RPS6KA2: variants seen among roughly 807,000 people sequenced by gnomAD.
RPS6KA2 encodes ribosomal protein S6 kinase alpha-2.
RPS6KA2 carries 42 observed loss-of-function variants against 91.8 expected under a neutral mutation model. The observed-to-expected ratio is 0.46, with a 90% CI of 0.36 to 0.59. The LOEUF (loss-of-function observed/expected upper bound fraction) is 0.59. Among genes scored for constraint, RPS6KA2 ranks in the 20% least tolerant of loss-of-function variants. The pLI, the probability that RPS6KA2 is intolerant of heterozygous loss-of-function variation, is 0.00. For synonymous variants in RPS6KA2, 414 were observed against 393.6 expected, an observed-to-expected ratio of 1.05 and a Z score of -0.61; for missense variants, 798 against 978.5, an observed-to-expected ratio of 0.82 and a Z score of 2.46.
At chr6:166,682,124 G>C (rs936763032) in intron 2 of RPS6KA2, among the ~76,000 whole-genome samples, 1 of 152,248 alleles carries the variant, frequency 6.6e-6, no homozygotes, top group Non-Finnish European at 1.5e-5. Context: ...CCCAAGGAAT[G>C]TGATGTTGAA....
intron 1 of RPS6KA2, among the ~76,000 whole-genome samples, chr6:166,552,560 G>T (rs1433446513): frequency 6.6e-6 from 1 of 152,134 alleles, no homozygotes; most frequent in Non-Finnish European, 1.5e-5. Flanking sequence ...CCTAGCTTGA[G>T]GTTTGGTAAA....
At chr6:166,791,099 G>A (rs1210523722) in intron 2 of RPS6KA2, among the ~76,000 whole-genome samples, 2 of 152,134 alleles carry the variant, frequency 1.3e-5, no homozygotes, top group African/African-American at 4.8e-5. Context: ...ACCCATCAGT[G>A]TGCTGTATTC....
chr6:166,789,577 C>G (rs1159785087), intron 2 of RPS6KA2, among the ~76,000 whole-genome samples: 2 of 152,260 alleles, frequency 1.3e-5, no homozygotes, highest in Non-Finnish European at 2.9e-5. Flanking sequence ...CAAGTGGGTC[C>G]CTGACCCCCG....
At chr6:166,499,469 G>A (rs1408742024) in intron 7 of RPS6KA2, among the ~76,000 whole-genome samples, 6 of 152,246 alleles carry the variant, frequency 3.9e-5, no homozygotes, top group Admixed American at 3.9e-4. Flanking sequence ...GAATCCCCAC[G>A]TGTCGTGGGA....
In RPS6KA2 at chr6:166,626,995, C is replaced by A; in HGVS notation, c.25G>T (p.Ala9Ser). 3.2e-6 allele frequency: 5 copies of A among 1,550,544 alleles called. No individual in the cohort carries two copies. Among genetic ancestry groups the A allele is most frequent in the East Asian group, 2.6e-5 (1 of 38,882 alleles). ...TACACAGAGAAGAACCTGCGCACGGCGAACTTCTTCATGCTCAGGTCCATC... is the reference window on the plus strand; with the variant it reads ...TACACAGAGAAGAACCTGCGCACGGAGAACTTCTTCATGCTCAGGTCCATC... MDLSMKKF[A>S]VRRFFSVYLR... The change falls in exon 1 of 21, where the codon GCC becomes TCC. Residue 9 changes from alanine to serine, a missense_variant. By Grantham distance (99) the Ala-to-Ser change is moderately conservative. Coordinates refer to ENST00000265678, the MANE Select transcript of RPS6KA2 (RefSeq NM_021135.6). This position sits in a 1 kb window ranked among gnomAD's most constrained non-coding sequence, Gnocchi z 4.1.
chr6:166,701,550 G>A, intron 2 of RPS6KA2: 1 of 1,451,388 alleles, frequency 6.9e-7, no homozygotes, highest in Non-Finnish European at 9.7e-7. Flanking sequence ...GCTGCTTGAT[G>A]TGCTGGCCCT....
At chr6:166,464,963 GCAGTGGGATGA>G (rs1458245474) in intron 11 of RPS6KA2, among the ~76,000 whole-genome samples, 2 of 151,968 alleles carry the variant, frequency 1.3e-5, no homozygotes, top group Middle Eastern at 6.8e-3. Flanking sequence ...CCCGGGGACA[GCAGTGGGATGA>G]CAGGTGTTTA....
intron 2 of RPS6KA2, among the ~76,000 whole-genome samples, chr6:166,769,864 G>A (rs900990445): frequency 2.6e-5 from 4 of 152,192 alleles, no homozygotes; most frequent in African/African-American, 4.8e-5. Context: ...GGGCAGCTCC[G>A]AGGGCCACCC....
At chr6:166,798,098 C>T (rs573742656) in intron 2 of RPS6KA2, among the ~76,000 whole-genome samples, 65 of 152,316 alleles carry the variant, frequency 4.3e-4, no homozygotes, top group Middle Eastern at 3.4e-3. Flanking sequence ...ATCGAATATG[C>T]GATAATTTGT....
rs908857693 is a variant in RPS6KA2 at position 166,419,242 on chromosome 6, T to C, written c.1820+640A>G. On this transcript the variant is annotated intron_variant, in intron 18 of 20. Coordinates refer to ENST00000265678, the MANE Select transcript of RPS6KA2 (RefSeq NM_021135.6). This position sits in a 1 kb window ranked among gnomAD's most constrained non-coding sequence, Gnocchi z 5.6. ...CCATTCAAGTATTTAATAAACGTAA[T>C]AGGAACCAGCGGATCTTGTAAGATC... 6.6e-6 allele frequency among the ~76,000 whole-genome samples: 1 copy of C among 152,208 alleles called. No homozygotes were observed. The highest frequency in any genetic ancestry group is 1.5e-5 in the Non-Finnish European group (1 of 68,034).
chr6:166,589,127 T>C (rs1021794828), intron 1 of RPS6KA2, among the ~76,000 whole-genome samples: 1 of 152,200 alleles, frequency 6.6e-6, no homozygotes, highest in African/African-American at 2.4e-5. Flanking sequence ...GCCCCAGGCT[T>C]TCTGGAAACA....
intron 1 of RPS6KA2, among the ~76,000 whole-genome samples, chr6:166,542,667 C>T (rs942591829): frequency 4.6e-5 from 7 of 152,160 alleles, no homozygotes; most frequent in African/African-American, 1.2e-4. Context: ...CAGGAAGTCC[C>T]GGGCAGGTAT....
At chr6:166,425,209 G>GTCCTT (rs1294094164) in intron 16 of RPS6KA2, among the ~76,000 whole-genome samples, 3 of 151,962 alleles carry the variant, frequency 2.0e-5, no homozygotes, top group African/African-American at 7.3e-5. Context: ...TAGAAACACA[G>GTCCTT]TCCTTTTTCT....
At chr6:166,519,675 G>A (rs991608845) in intron 3 of RPS6KA2, among the ~76,000 whole-genome samples, 13 of 152,180 alleles carry the variant, frequency 8.5e-5, no homozygotes, top group Non-Finnish European at 1.8e-4. Context: ...AGGAAAACAC[G>A]GGAGGAAGCA....
At chr6:166,627,821 T>C (rs1226248536), upstream of RPS6KA2, 1 of 152,276 alleles carries the variant, frequency 6.6e-6, no homozygotes, top group Non-Finnish European at 1.5e-5. Flanking sequence ...CATGTTTTTC[T>C]CTGCCGAACC....
Position 166,490,556 on chromosome 6 carries a change from T to G in RPS6KA2, c.818+115A>C. ...TTTTAGAAAACAGCTTACAATACTT[T>G]GGCACTGTAAGCCTAGCAATGTAAT... is the stretch of plus-strand genomic sequence containing the variant. On this transcript the variant is annotated intron_variant, in intron 9 of 20. Transcript: ENST00000265678. The surrounding 1 kb of genome is among the most constrained non-coding windows in gnomAD (Gnocchi z 4.2). 1.3e-6 allele frequency: 1 copy of G among 746,656 alleles called. No homozygotes were observed. The highest frequency in any genetic ancestry group is 2.3e-6 in the Non-Finnish European group (1 of 431,188). The allele number at this position is 746,656 out of a possible 1,614,324, so 46.3% of individuals were successfully genotyped here.
At chr6:166,431,881 G>A (rs1337248828) in intron 15 of RPS6KA2, among the ~76,000 whole-genome samples, 6 of 152,140 alleles carry the variant, frequency 3.9e-5, no homozygotes, top group South Asian at 2.1e-4. Context: ...GCCTGCCTAC[G>A]CCTCCCAAAG....
intron 2 of RPS6KA2, among the ~76,000 whole-genome samples, chr6:166,689,375 G>C (rs1187267111): frequency 6.6e-6 from 1 of 152,246 alleles, no homozygotes; most frequent in Non-Finnish European, 1.5e-5. Flanking sequence ...ACCTGCCACG[G>C]ATATGTGTGC....
intron 2 of RPS6KA2, among the ~76,000 whole-genome samples, chr6:166,693,113 C>T (rs1345345638): frequency 6.6e-6 from 1 of 152,194 alleles, no homozygotes; most frequent in Non-Finnish European, 1.5e-5. Context: ...CTACTCTTTC[C>T]GTTGGGTGGC....
Sources: gnomAD v4.1 joint callset for allele counts (sites outside exome capture counted in the v4.1 genomes callset) on GRCh38, gnomAD v4.1.1 for gene constraint, Gnocchi (gnomAD v3.1) non-coding constraint, MANE v1.5 for transcripts, NCBI Gene and HGNC (gene_info 2026-07-23, HGNC 2026-07-21) for gene names.